Variants in SIL1 observed in about 807,000 individuals in gnomAD.
The protein encoded by SIL1 is nucleotide exchange factor SIL1.
In SIL1, 40 loss-of-function variants were observed where a neutral mutation model predicts 49.1. The observed-to-expected ratio is 0.81, with a 90% CI of 0.63 to 1.06. The LOEUF is 1.06. Ranked by LOEUF, SIL1 falls within the 50% of genes least tolerant of loss-of-function variation. The pLI is 0.00. For synonymous variants in SIL1, 253 were observed against 250.8 expected (o/e 1.01, Z -0.08); for missense variants, 500 against 572.6 (o/e 0.87, Z 1.29).
intron 7 of SIL1, among the ~76,000 whole-genome samples, chr5:138,982,525 C>A (rs1348992917): frequency 6.6e-6 from 1 of 152,214 alleles, no homozygotes; most frequent in Non-Finnish European, 1.5e-5. Context: ...CAACATTTTT[C>A]TTCCAAAACA....
chr5:139,057,314 T>TTA lies in SIL1; in HGVS notation c.245-6269_245-6268insTA, dbSNP rs781049621. 4.5e-4 allele frequency among the ~76,000 whole-genome samples: 33 copies of TTA among 73,376 alleles called. 2 individuals are homozygous for TTA. The highest frequency in any genetic ancestry group is 9.7e-4 in the African/African-American group (16 of 16,564). The allele number at this position is 73,376 out of a possible 152,430, so 48.1% of individuals were successfully genotyped here. On this transcript the variant is annotated intron_variant, in intron 3 of 9. Transcript: ENST00000394817. ...GCGAGAAACACCCAAGAATGATCAA[T>TTA]AAAAAAAAAAAAAAGAAAAGAAAAG... is the stretch of plus-strand genomic sequence containing the variant.
At chr5:139,002,475 T>A (rs577021742) in intron 7 of SIL1, among the ~76,000 whole-genome samples, 104 of 152,298 alleles carry the variant, frequency 6.8e-4, no homozygotes, top group African/African-American at 2.4e-3. Flanking sequence ...CAGAAAAGGC[T>A]TTACTAAGTA....
At chr5:139,096,118 T>A (rs1229088713) in intron 3 of SIL1, among the ~76,000 whole-genome samples, 1 of 152,146 alleles carries the variant, frequency 6.6e-6, no homozygotes, top group Non-Finnish European at 1.5e-5. Context: ...GAAGAATGTC[T>A]CTGGGCACTG....
chr5:139,158,467 T>C (rs1307082015), intron 1 of SIL1, among the ~76,000 whole-genome samples: 1 of 152,194 alleles, frequency 6.6e-6, no homozygotes, highest in Non-Finnish European at 1.5e-5. Flanking sequence ...CAAATGAATC[T>C]AGAAATGACA....
At chr5:139,072,013 A>G (rs1303592044) in intron 3 of SIL1, among the ~76,000 whole-genome samples, 3 of 152,140 alleles carry the variant, frequency 2.0e-5, no homozygotes, top group African/African-American at 7.2e-5. Flanking sequence ...GTTGCTAAAA[A>G]CATGACACAT....
intron 1 of SIL1, among the ~76,000 whole-genome samples, chr5:139,194,282 T>C (rs1463097455): frequency 6.6e-6 from 1 of 152,178 alleles, no homozygotes; most frequent in East Asian, 1.9e-4. Flanking sequence ...TCCACATGTG[T>C]CTGAGCAGCC....
At chr5:139,162,812 C>T (rs190284883) in intron 1 of SIL1, among the ~76,000 whole-genome samples, 1 of 152,140 alleles carries the variant, frequency 6.6e-6, no homozygotes, top group Admixed American at 6.6e-5. Context: ...ATGAAACTTA[C>T]GTTCTAGTGG....
At chr5:138,995,871 T>A (rs982236838) in intron 7 of SIL1, among the ~76,000 whole-genome samples, 1 of 152,238 alleles carries the variant, frequency 6.6e-6, no homozygotes, top group Non-Finnish European at 1.5e-5. Context: ...ATTCCCTCCA[T>A]GTTGCTGCAT....
At chr5:139,155,448 TGAGAGAGAGA>T (rs33957896) in intron 1 of SIL1, 2 of 125,908 alleles carry the variant, frequency 1.6e-5, no homozygotes, top group Admixed American at 8.0e-5. Context: ...GTACACAGAG[TGAGAGAGAGA>T]GAGAGAGAGA....
In SIL1 at chr5:138,947,705, T is replaced by A. The variant is rs73790388; in HGVS notation, c.1030-232A>T. 6.6e-6 allele frequency among the ~76,000 whole-genome samples: 1 copy of A among 152,152 alleles called. No individual in the cohort carries two copies. Among genetic ancestry groups the A allele is most frequent in the Non-Finnish European group, 1.5e-5 (1 of 68,036 alleles). Reference sequence around the variant, plus strand: ...TGCTGAAGAAACCACGATGGAGACATAGTCTTACCCTCAAGGAGCTTAAGG... The same window carrying A: ...TGCTGAAGAAACCACGATGGAGACAAAGTCTTACCCTCAAGGAGCTTAAGG... On this transcript the variant is annotated intron_variant, in intron 9 of 9. Transcript: ENST00000394817. The surrounding 1 kb of genome is among the most constrained non-coding windows in gnomAD (Gnocchi z 4.1).
intron 1 of SIL1, among the ~76,000 whole-genome samples, chr5:139,142,842 C>T (rs1005745658): frequency 3.9e-5 from 6 of 151,976 alleles, no homozygotes; most frequent in African/African-American, 1.5e-4. Context: ...GATCTCGGTT[C>T]ACTGCAAGCT....
At position 139,079,257 on chromosome 5, in the gene SIL1, TG is replaced by T. The variant is rs199700026; in HGVS notation, c.245-28212del. ...AAGGCCCCTTTGGGGGACTCAAATC[TG>T]GTTTACCACACTGAGTACCTCCTGC... On this transcript the variant is annotated intron_variant, in intron 3 of 9. Coordinates refer to ENST00000394817, the MANE Select transcript of SIL1 (RefSeq NM_022464.5). 8.3e-4 allele frequency among the ~76,000 whole-genome samples: 127 copies of T among 152,280 alleles called. 6 individuals are homozygous for T. In the East Asian group the frequency reaches 0.024, roughly 29 times the overall value.
At chr5:139,147,753 G>A (rs573592793) in intron 1 of SIL1, among the ~76,000 whole-genome samples, 2 of 152,196 alleles carry the variant, frequency 1.3e-5, no homozygotes, top group Admixed American at 6.5e-5. Context: ...ATATTAAAAA[G>A]CACTAATTAG....
At chr5:139,174,130 G>A (rs1490504495) in intron 1 of SIL1, among the ~76,000 whole-genome samples, 1 of 151,006 alleles carries the variant, frequency 6.6e-6, no homozygotes, top group Non-Finnish European at 1.5e-5. Flanking sequence ...AAAAATAATA[G>A]AAAAAAATCA....
intron 7 of SIL1, among the ~76,000 whole-genome samples, chr5:138,961,573 T>A (rs1213379537): frequency 1.3e-5 from 2 of 152,004 alleles, no homozygotes; most frequent in African/African-American, 2.4e-5. Context: ...TTTGTTGTTC[T>A]TAGTGTTTCC....
At chr5:138,981,811 C>T (rs11956437) in intron 7 of SIL1, among the ~76,000 whole-genome samples, 12,259 of 152,118 alleles carry the variant, frequency 0.081, 1,527 homozygotes, top group African/African-American at 0.27. Context: ...CCTGCTCTCG[C>T]GTGCTCTCAA....
chr5:139,017,790 C>G (rs778092414), intron 7 of SIL1, among the ~76,000 whole-genome samples: 3 of 152,180 alleles, frequency 2.0e-5, no homozygotes, highest in Non-Finnish European at 2.9e-5. Context: ...CGAGACTCCC[C>G]TTATACAGAA....
chr5:139,178,435 T>C (rs1751925071), intron 1 of SIL1, among the ~76,000 whole-genome samples: 1 of 152,148 alleles, frequency 6.6e-6, no homozygotes, highest in African/African-American at 2.4e-5. Flanking sequence ...TGAAATGCCA[T>C]GCCACAGCTG....
At chr5:139,101,901 T>A (rs777844409) in intron 3 of SIL1, among the ~76,000 whole-genome samples, 1 of 152,124 alleles carries the variant, frequency 6.6e-6, no homozygotes, top group Non-Finnish European at 1.5e-5. Flanking sequence ...AGGGACCACA[T>A]AGAGAAGAAA....
Sources: allele counts gnomAD v4.1 joint callset (sites outside exome capture counted in the v4.1 genomes callset), GRCh38; gene constraint gnomAD v4.1.1; non-coding constraint Gnocchi (gnomAD v3.1); transcripts MANE v1.5; gene names NCBI Gene and HGNC (gene_info 2026-07-23, HGNC 2026-07-21).